AGBL1: variants seen among roughly 807,000 people sequenced by gnomAD.
AGBL1 encodes the protein AGBL carboxypeptidase 1, also known as cytosolic carboxypeptidase 4.
A neutral mutation model predicts 118.9 loss-of-function variants in AGBL1; 130 were observed. The ratio of observed to expected loss-of-function variants is 1.09; its 90% CI spans 0.95 to 1.26. AGBL1 has a LOEUF of 1.26. Among genes scored for constraint, AGBL1 ranks in the 50% most tolerant of loss-of-function variants. The pLI, the probability that AGBL1 is intolerant of heterozygous loss-of-function variation, is 0.00. For synonymous variants in AGBL1, 555 were observed against 478.9 expected (o/e 1.16, Z -2.08); for missense variants, 1,584 against 1,298.1 (o/e 1.22, Z -3.38).
chr15:86,183,144 G>A (rs141075614), intron 5 of AGBL1, among the ~76,000 whole-genome samples: 110 of 152,250 alleles, frequency 7.2e-4, no homozygotes, highest in African/African-American at 2.6e-3. Context: ...GTTTACTGGT[G>A]CCTCTGTCCG....
rs189431225 is a variant in AGBL1 at position 86,356,271 on chromosome 15, A to G, written c.2375-41095A>G. Among the ~76,000 whole-genome samples the G allele has an allele frequency of 3.9e-5, 6 of 152,232 alleles. No homozygotes were observed. In the East Asian group the frequency reaches 9.7e-4, roughly 25 times the overall value. ...TTAGAGTTAACCCAGAGAAAGGCCT[A>G]AGACTTTATTGTAAGTAGAATAACT... On this transcript the variant is annotated intron_variant, in intron 17 of 22. Transcript: ENST00000614907.
At chr15:86,768,665 A>T (rs1486370689) in intron 22 of AGBL1, among the ~76,000 whole-genome samples, 1 of 151,972 alleles carries the variant, frequency 6.6e-6, no homozygotes, top group African/African-American at 2.4e-5. Flanking sequence ...TCAAGTCACT[A>T]TCTACCACAT....
intron 21 of AGBL1, among the ~76,000 whole-genome samples, chr15:86,608,418 A>C (rs186819973): frequency 6.6e-6 from 1 of 152,356 alleles, no homozygotes; most frequent in East Asian, 1.9e-4. Context: ...GCAAGCAAGA[A>C]TATTTGCCTA....
At chr15:86,585,328 G>A (rs1297922195) in intron 21 of AGBL1, among the ~76,000 whole-genome samples, 1 of 152,074 alleles carries the variant, frequency 6.6e-6, no homozygotes, top group Non-Finnish European at 1.5e-5. Flanking sequence ...AAAAAGGAGC[G>A]AAGGTAAAAT....
chr15:86,671,190 T>C (rs1342539379), intron 21 of AGBL1, among the ~76,000 whole-genome samples: 1 of 152,120 alleles, frequency 6.6e-6, no homozygotes, highest in African/African-American at 2.4e-5. Flanking sequence ...GGTGCCGTTG[T>C]GCCACATTTT....
At chr15:86,359,320 G>T (rs1252983118) in intron 17 of AGBL1, among the ~76,000 whole-genome samples, 1 of 148,322 alleles carries the variant, frequency 6.7e-6, no homozygotes, top group Non-Finnish European at 1.5e-5. Context: ...TTGAAATTCA[G>T]TTGACTGTAC....
intron 17 of AGBL1, among the ~76,000 whole-genome samples, chr15:86,342,639 AG>A (rs2080478443): frequency 6.6e-6 from 1 of 152,208 alleles, no homozygotes; most frequent in Non-Finnish European, 1.5e-5. Context: ...CTTCAGGGTC[AG>A]AAAGACCTGA....
intron 17 of AGBL1, among the ~76,000 whole-genome samples, chr15:86,383,668 G>A (rs983023111): frequency 9.2e-5 from 14 of 152,154 alleles, no homozygotes; most frequent in South Asian, 4.1e-4. Flanking sequence ...TTTCCCTGCC[G>A]TTCTTCGCTG....
At chr15:87,009,288 C>A (rs919820308) in intron 24 of AGBL1, among the ~76,000 whole-genome samples, 2 of 152,140 alleles carry the variant, frequency 1.3e-5, no homozygotes, top group Non-Finnish European at 2.9e-5. Flanking sequence ...ATGTACAGCT[C>A]GGGCTATTTC....
chr15:86,939,464 G>T (rs966856258), intron 23 of AGBL1, among the ~76,000 whole-genome samples: 5 of 152,154 alleles, frequency 3.3e-5, no homozygotes, highest in Non-Finnish European at 7.4e-5. Flanking sequence ...TGCACTGTTG[G>T]CTTCCCTACT....
chr15:86,590,041 A>C (rs1451157143), intron 21 of AGBL1, among the ~76,000 whole-genome samples: 2 of 152,200 alleles, frequency 1.3e-5, no homozygotes, highest in African/African-American at 2.4e-5. Flanking sequence ...AGATAAAAGG[A>C]ATCCAGTTTA....
Position 86,537,973 on chromosome 15 carries a change from G to A in AGBL1, c.2686-8029G>A, listed in dbSNP as rs577011022. On this transcript the variant is annotated intron_variant, in intron 19 of 22. Coordinates refer to ENST00000614907, the MANE Select transcript of AGBL1 (RefSeq NM_001386094.1). ...CACATATTAGATTGTATGTTTTTGGGTTGATTTACAGGCGCTCTTTCATTG... is the reference window on the plus strand; with the variant it reads ...CACATATTAGATTGTATGTTTTTGGATTGATTTACAGGCGCTCTTTCATTG... 6.6e-5 allele frequency among the ~76,000 whole-genome samples: 10 copies of A among 152,314 alleles called. No individual in the cohort carries two copies. In the South Asian group the frequency reaches 8.3e-4, roughly 13 times the overall value.
At chr15:86,389,872 T>C (rs866315402) in intron 17 of AGBL1, among the ~76,000 whole-genome samples, 24 of 152,056 alleles carry the variant, frequency 1.6e-4, no homozygotes, top group African/African-American at 2.4e-4. Context: ...GATTGTACAT[T>C]AGGACAAATG....
chr15:86,551,345 G>A (rs1251218041), intron 20 of AGBL1, among the ~76,000 whole-genome samples: 2 of 152,016 alleles, frequency 1.3e-5, no homozygotes, highest in Non-Finnish European at 2.9e-5. Context: ...TCATTATTTA[G>A]CTAGACAAAG....
intron 21 of AGBL1, among the ~76,000 whole-genome samples, chr15:86,566,394 T>C (rs1412191869): frequency 6.6e-5 from 10 of 152,212 alleles, no homozygotes; most frequent in African/African-American, 2.4e-4. Context: ...CTTTTCATTT[T>C]ATTCTTGCTG....
At chr15:86,498,558 A>C (rs1567025648) in intron 18 of AGBL1, among the ~76,000 whole-genome samples, 1 of 152,110 alleles carries the variant, frequency 6.6e-6, no homozygotes, top group East Asian at 1.9e-4. Flanking sequence ...AGAAAATGAC[A>C]TTATGAGTAG....
rs71460231 is a variant in AGBL1, at chr15:86,897,764, C to CTTTTTTTTTTTTTT, written c.3159-9313_3159-9300dup. The stretch of plus-strand genomic sequence containing the variant: ...ATAATTTACTCCTTTCATCTTTTAT[C>CTTTTTTTTTTTTTT]TTTTTTTTTTTTTTTTTTTTTTTGA... On this transcript the variant is annotated intron_variant, in intron 22 of 22. Coordinates refer to ENST00000614907, the MANE Select transcript of AGBL1 (RefSeq NM_001386094.1). 5.7e-4 allele frequency among the ~76,000 whole-genome samples: 46 copies of CTTTTTTTTTTTTTT among 80,620 alleles called. 1 individual carries two copies. Among genetic ancestry groups the CTTTTTTTTTTTTTT allele is most frequent in the African/African-American group, 8.5e-4 (17 of 19,956 alleles). The allele number at this position is 80,620 out of a possible 152,430, so 52.9% of individuals were successfully genotyped here.
chr15:86,704,222 G>C (rs559205626), intron 22 of AGBL1, among the ~76,000 whole-genome samples: 1 of 152,226 alleles, frequency 6.6e-6, no homozygotes, highest in South Asian at 2.1e-4. Flanking sequence ...TCAGGACATG[G>C]CCTGGGCAAA....
At position 86,522,527 on chromosome 15, in the gene AGBL1, T is replaced by G. The variant is rs149975786; in HGVS notation, c.2556-283T>G. Among the ~76,000 whole-genome samples the G allele has an allele frequency of 4.8e-3, 733 of 152,346 alleles. 8 individuals are homozygous for G. Among genetic ancestry groups the G allele is most frequent in the African/African-American group, 0.017 (699 of 41,580 alleles). On this transcript the variant is annotated intron_variant, in intron 18 of 22. Transcript: ENST00000614907. Reference sequence around the variant, plus strand: ...TAAATGTATTCCCCATGGATGTATATAATGGGGAACTACATTTTCCAACTT... The same window carrying G: ...TAAATGTATTCCCCATGGATGTATAGAATGGGGAACTACATTTTCCAACTT...
Sources: allele counts gnomAD v4.1 joint callset (sites outside exome capture counted in the v4.1 genomes callset), GRCh38; gene constraint gnomAD v4.1.1; transcripts MANE v1.5; gene names NCBI Gene and HGNC (gene_info 2026-07-23, HGNC 2026-07-21).